Variants in MYO1E observed in about 807,000 individuals in gnomAD.
MYO1E encodes the protein unconventional myosin-Ie.
Under a neutral mutation model 151.1 loss-of-function variants are expected in MYO1E, and 68 were observed. That is an observed-to-expected ratio of 0.45 (90% CI 0.37 to 0.55). The LOEUF (loss-of-function observed/expected upper bound fraction) is 0.55, where lower values mean the gene tolerates loss of function less well. Among genes scored for constraint, MYO1E ranks in the 20% least tolerant of loss-of-function variants. The pLI is 0.00. For synonymous variants in MYO1E, 601 were observed against 501.7 expected (o/e 1.20, Z -2.64); for missense variants, 1,363 against 1,389.3 (o/e 0.98, Z 0.30).
intron 2 of MYO1E, among the ~76,000 whole-genome samples, chr15:59,264,485 T>C (rs1489337090): frequency 6.6e-6 from 1 of 152,192 alleles, no homozygotes; most frequent in Non-Finnish European, 1.5e-5. Flanking sequence ...AAACAAGAAT[T>C]TTTTTAAGTA....
At chr15:59,210,751 G>A in intron 12 of MYO1E, 151 bp from the exon 13 acceptor site, 1 of 642,760 alleles carries the variant, frequency 1.6e-6, no homozygotes, top group Non-Finnish European at 2.8e-6. Flanking sequence ...TTTTCTAAGA[G>A]GTAACAGGAA....
At chr15:59,213,868 C>T (rs1222700405) in intron 12 of MYO1E, among the ~76,000 whole-genome samples, 1 of 152,016 alleles carries the variant, frequency 6.6e-6, no homozygotes, top group Non-Finnish European at 1.5e-5. Flanking sequence ...TTGAAAATGG[C>T]GTAGATCTGA....
chr15:59,247,350 A>T (rs2080136604), intron 4 of MYO1E, among the ~76,000 whole-genome samples: 1 of 152,156 alleles, frequency 6.6e-6, no homozygotes, highest in Non-Finnish European at 1.5e-5. Flanking sequence ...AAAATATGGG[A>T]AATTTGAGAC....
Position 59,150,896 on chromosome 15 carries a change from A to G in MYO1E, c.3080+2694T>C, listed in dbSNP as rs534642616. On this transcript the variant is annotated intron_variant, in intron 26 of 27. Transcript: ENST00000288235. The stretch of plus-strand genomic sequence containing the variant: ...TCCAGCGGATTCTACTGCACACTAG[A>G]GTTTGAGAACTACTGGTTTAGACCA... Among the ~76,000 whole-genome samples the G allele has an allele frequency of 2.0e-4, 30 of 152,186 alleles. No homozygotes were observed. The East Asian group carries it at 4.8e-3, about 25-fold the overall frequency.
chr15:59,341,199 C>G (rs1033806954), intron 1 of MYO1E: 1 of 151,914 alleles, frequency 6.6e-6, no homozygotes, highest in African/African-American at 2.4e-5. Flanking sequence ...AAGGATTTAT[C>G]CTTTGTGTTT....
chr15:59,217,566 C>G (rs187318230), intron 10 of MYO1E, among the ~76,000 whole-genome samples: 6 of 112,674 alleles, frequency 5.3e-5, no homozygotes, highest in Middle Eastern at 9.3e-3. Flanking sequence ...CACTCTAACC[C>G]CCAGGCTGGA....
At chr15:59,276,926 G>A (rs113526336) in intron 1 of MYO1E, among the ~76,000 whole-genome samples, 1,533 of 152,242 alleles carry the variant, frequency 0.01, 26 homozygotes, top group African/African-American at 0.035. Flanking sequence ...GGCCCCACGC[G>A]GCAGCGGTTC....
At chr15:59,354,161 T>C (rs375889391) in intron 1 of MYO1E, among the ~76,000 whole-genome samples, 1 of 152,164 alleles carries the variant, frequency 6.6e-6, no homozygotes, top group Admixed American at 6.5e-5. Flanking sequence ...GTTCTCTGAA[T>C]GTAAATGAAG....
chr15:59,180,125 T>G (rs563833332), intron 18 of MYO1E, among the ~76,000 whole-genome samples: 1 of 152,230 alleles, frequency 6.6e-6, no homozygotes, highest in Non-Finnish European at 1.5e-5. Context: ...TATCATAAAC[T>G]TCCTAGAGAG....
chr15:59,320,319 T>C (rs1165100995), intron 1 of MYO1E, among the ~76,000 whole-genome samples: 1 of 152,102 alleles, frequency 6.6e-6, no homozygotes, highest in Non-Finnish European at 1.5e-5. Flanking sequence ...TAAAAAAAAC[T>C]ATTCCAAAAT....
chr15:59,243,838 A>G (rs1489980916), intron 4 of MYO1E, among the ~76,000 whole-genome samples: 11 of 152,012 alleles, frequency 7.2e-5, no homozygotes, highest in Admixed American at 1.3e-4. Flanking sequence ...CGAGAATGAG[A>G]AACCACATCA....
chr15:59,207,449 T>C, intron 14 of MYO1E: 1 of 1,614,068 alleles, frequency 6.2e-7, no homozygotes, highest in South Asian at 1.1e-5. Context: ...AAGTTAATGA[T>C]TTCCAGTATT....
Position 59,350,600 on chromosome 15 carries a change from G to A in MYO1E, c.3+21898C>T, listed in dbSNP as rs2080818041. On this transcript the variant is annotated intron_variant, in intron 1 of 27. Transcript: ENST00000288235. The surrounding 1 kb of genome is among the most constrained non-coding windows in gnomAD (Gnocchi z 5.0). ...CAATATGAACTGCCAGATAACCAGGGAATGTCGAGAGTGTACAGGAATGTG... is the reference window on the plus strand; with the variant it reads ...CAATATGAACTGCCAGATAACCAGGAAATGTCGAGAGTGTACAGGAATGTG... Among the ~76,000 whole-genome samples, 1 of 152,154 alleles carries A rather than the reference G, an allele frequency of 6.6e-6. No individual in the cohort carries two copies. Among genetic ancestry groups the A allele is most frequent in the South Asian group, 2.1e-4 (1 of 4,824 alleles).
intron 12 of MYO1E, among the ~76,000 whole-genome samples, chr15:59,213,925 C>A (rs918492614): frequency 2.0e-5 from 3 of 152,200 alleles, no homozygotes; most frequent in African/African-American, 7.2e-5. Flanking sequence ...CACAGACAGT[C>A]GGGGCTGGAA....
chr15:59,236,984 G>T (rs1350072687), intron 4 of MYO1E, among the ~76,000 whole-genome samples: 2 of 152,120 alleles, frequency 1.3e-5, no homozygotes, highest in Non-Finnish European at 2.9e-5. Flanking sequence ...TATCACAAGG[G>T]TGGAATTCTA....
chr15:59,140,009 A>C (rs1285179421), intron 26 of MYO1E, among the ~76,000 whole-genome samples: 28 of 152,156 alleles, frequency 1.8e-4, no homozygotes, highest in African/African-American at 6.8e-4. Context: ...ACAAGAGTTT[A>C]TCCAGAGCAG....
chr15:59,211,080 A>G (rs1447829331), intron 12 of MYO1E, among the ~76,000 whole-genome samples: 4 of 152,040 alleles, frequency 2.6e-5, no homozygotes, highest in South Asian at 4.1e-4. Context: ...CGCGCCTGTA[A>G]TCCCGGCTAC....
intron 4 of MYO1E, among the ~76,000 whole-genome samples, chr15:59,248,270 G>C (rs1341464845): frequency 6.6e-6 from 1 of 151,486 alleles, no homozygotes; most frequent in Non-Finnish European, 1.5e-5. Context: ...GATCACTTGA[G>C]GTCTGGAGCT....
intron 26 of MYO1E, among the ~76,000 whole-genome samples, chr15:59,149,053 T>G (rs12901931): frequency 0.012 from 91 of 7,628 alleles, no homozygotes; most frequent in Non-Finnish European, 0.029. Flanking sequence ...TTTTTTTTTG[T>G]TTTTTTTTTT....
Sources: gnomAD v4.1 joint callset for allele counts (sites outside exome capture counted in the v4.1 genomes callset) on GRCh38, gnomAD v4.1.1 for gene constraint, Gnocchi (gnomAD v3.1) non-coding constraint, MANE v1.5 for transcripts, NCBI Gene and HGNC (gene_info 2026-07-23, HGNC 2026-07-21) for gene names.